The following GRIK4 variants were observed in gnomAD, a reference collection of about 807,000 sequenced individuals.
GRIK4 encodes glutamate receptor ionotropic, kainate 4.
In GRIK4, 40 loss-of-function variants were observed where a neutral mutation model predicts 104.9. That is an observed-to-expected ratio of 0.38 (90% CI 0.30 to 0.50). GRIK4 has a LOEUF of 0.50. GRIK4 is among the 20% of genes least tolerant of loss of function. The pLI, the probability that GRIK4 is intolerant of heterozygous loss-of-function variation, is 0.93. For missense variants in GRIK4, 1,047 were observed against 1,308.1 expected, an observed-to-expected ratio of 0.80 and a Z score of 3.08; for synonymous variants, 485 against 524.9, an observed-to-expected ratio of 0.92 and a Z score of 1.04.
At chr11:120,686,643 T>C (rs2135299828) in intron 3 of GRIK4, among the ~76,000 whole-genome samples, 1 of 152,374 alleles carries the variant, frequency 6.6e-6, no homozygotes, top group Middle Eastern at 3.4e-3. Context: ...GAAGCAGTGA[T>C]GTGGAGAATC....
intron 3 of GRIK4, among the ~76,000 whole-genome samples, chr11:120,735,421 G>GAGA (rs1951204103): frequency 6.6e-6 from 1 of 152,156 alleles, no homozygotes; most frequent in African/African-American, 2.4e-5. Flanking sequence ...TTAGCCACCT[G>GAGA]GAGCTGGGGG....
At chr11:120,729,592 A>G (rs1296907803) in intron 3 of GRIK4, among the ~76,000 whole-genome samples, 1 of 152,084 alleles carries the variant, frequency 6.6e-6, no homozygotes, top group Non-Finnish European at 1.5e-5. Flanking sequence ...TCTTTTGCCC[A>G]TTTCTTAATT....
intron 1 of GRIK4, among the ~76,000 whole-genome samples, chr11:120,640,485 A>G (rs1226076199): frequency 6.6e-6 from 1 of 152,192 alleles, no homozygotes; most frequent in Non-Finnish European, 1.5e-5. Flanking sequence ...TTTTTAATTA[A>G]TTAATGCCCA....
At chr11:120,847,729 T>G (rs1015253654) in intron 8 of GRIK4, among the ~76,000 whole-genome samples, 15 of 152,252 alleles carry the variant, frequency 9.9e-5, no homozygotes, top group African/African-American at 3.6e-4. Context: ...CAACTTACTA[T>G]CCTATGTAAG....
chr11:120,723,771 T>G (rs893033027), intron 3 of GRIK4, among the ~76,000 whole-genome samples: 6 of 150,120 alleles, frequency 4.0e-5, no homozygotes, highest in Non-Finnish European at 7.4e-5. Flanking sequence ...AAACCAGTGG[T>G]TCTTGGTAAG....
chr11:120,664,877 C>T (rs759015305), intron 3 of GRIK4, among the ~76,000 whole-genome samples: 1 of 152,144 alleles, frequency 6.6e-6, no homozygotes, highest in Non-Finnish European at 1.5e-5. Flanking sequence ...TCAGCATGGG[C>T]ATATTAGACA....
At chr11:120,944,867 T>C (rs1943818932) in intron 14 of GRIK4, among the ~76,000 whole-genome samples, 3 of 152,140 alleles carry the variant, frequency 2.0e-5, no homozygotes, top group Admixed American at 1.3e-4. Flanking sequence ...CGTGCAAAAT[T>C]AAATGAGAAT....
At chr11:120,857,505 CACA>C (rs1954138692) in intron 8 of GRIK4, among the ~76,000 whole-genome samples, 1 of 280 alleles carries the variant, frequency 3.6e-3, no homozygotes, top group Non-Finnish European at 7.7e-3. Flanking sequence ...CACACATGCA[CACA>C]CACACACACA....
At chr11:120,933,025 G>A (rs34607201) in intron 13 of GRIK4, among the ~76,000 whole-genome samples, 43,646 of 152,196 alleles carry the variant, frequency 0.29, 7,219 homozygotes, top group Admixed American at 0.39. Flanking sequence ...AGGGACTGGG[G>A]AGAATGACTG....
intron 1 of GRIK4, among the ~76,000 whole-genome samples, chr11:120,609,073 T>C (rs1948999235): frequency 6.6e-6 from 1 of 152,162 alleles, no homozygotes; most frequent in African/African-American, 2.4e-5. Flanking sequence ...TAATTGCATG[T>C]CATATTTAGT....
intron 1 of GRIK4, among the ~76,000 whole-genome samples, chr11:120,651,810 C>A (rs1949622923): frequency 6.6e-6 from 1 of 152,240 alleles, no homozygotes; most frequent in South Asian, 2.1e-4. Context: ...CTCCCAGATG[C>A]ATTCTTCTGT....
chr11:120,737,834 G>T (rs1405232368), intron 3 of GRIK4, among the ~76,000 whole-genome samples: 32 of 152,108 alleles, frequency 2.1e-4, no homozygotes, highest in Non-Finnish European at 1.5e-5. Flanking sequence ...ATCTTAACCT[G>T]CATAGTTATT....
intron 13 of GRIK4, among the ~76,000 whole-genome samples, chr11:120,932,096 C>T (rs1943493703): frequency 6.6e-6 from 1 of 152,090 alleles, no homozygotes; most frequent in South Asian, 2.1e-4. Flanking sequence ...AAGCCCTGTT[C>T]CACCTTCTCA....
At chr11:120,835,140 C>T (rs1280554039) in intron 7 of GRIK4, among the ~76,000 whole-genome samples, 1 of 152,204 alleles carries the variant, frequency 6.6e-6, no homozygotes, top group Non-Finnish European at 1.5e-5. Flanking sequence ...CTGCCCCAGT[C>T]ACTGAGCATT....
chr11:120,822,365 G>T (rs1331394566), intron 6 of GRIK4, among the ~76,000 whole-genome samples: 1 of 152,122 alleles, frequency 6.6e-6, no homozygotes, highest in Non-Finnish European at 1.5e-5. Context: ...AGGCCCAGAA[G>T]GTAGCTTGGT....
chr11:120,741,277 T>TTC (rs1951328111), intron 3 of GRIK4, among the ~76,000 whole-genome samples: 1 of 130,046 alleles, frequency 7.7e-6, no homozygotes, highest in Admixed American at 7.5e-5. Context: ...TGTGCTTTCT[T>TTC]TTTTTTTTTT....
Position 120,524,638 on chromosome 11 carries a change from G to A in GRIK4, c.-159+12751G>A, listed in dbSNP as rs1316612662. Among the ~76,000 whole-genome samples, 2 of 152,258 alleles carry A rather than the reference G, an allele frequency of 1.3e-5. No homozygotes were observed. The highest frequency in any genetic ancestry group is 2.1e-4 in the South Asian group (1 of 4,824). ...GGTGACTGGTAAGAGCAAAGGTGGC[G>A]TTTGGGCTGACAGCGCTAACTTCTG... On this transcript the variant is annotated intron_variant, in intron 1 of 20. Transcript: ENST00000527524. This position sits in a 1 kb window ranked among gnomAD's most constrained non-coding sequence, Gnocchi z 4.5.
chr11:120,781,848 G>T lies in GRIK4; in HGVS notation c.83-20845G>T, dbSNP rs112191473. Among the ~76,000 whole-genome samples, 716 of 152,224 alleles carry T rather than the reference G, an allele frequency of 4.7e-3. 4 individuals carry two copies. The highest frequency in any genetic ancestry group is 6.0e-3 in the Non-Finnish European group (409 of 68,004). ...TGGAATAAGACAGATTCTCACCATG[G>T]CCCTTGAGGCCATGTGACAACCTGT... On this transcript the variant is annotated intron_variant, in intron 3 of 20. Transcript: ENST00000527524.
Position 120,959,854 on chromosome 11 carries a change from C to T in GRIK4, c.1875-1055C>T, listed in dbSNP as rs180689172. Among the ~76,000 whole-genome samples the T allele has an allele frequency of 4.6e-5, 7 of 152,298 alleles. No homozygotes were observed. In the East Asian group the frequency reaches 1.4e-3, roughly 29 times the overall value. On this transcript the variant is annotated intron_variant, in intron 16 of 20. Transcript: ENST00000527524. Reference sequence around the variant, plus strand: ...AAAGATGTTCTGTTGTTACAATTTACAGAACTGGTTTTAAAATACAAATTT... The same window carrying T: ...AAAGATGTTCTGTTGTTACAATTTATAGAACTGGTTTTAAAATACAAATTT...
Sources: gnomAD v4.1 joint callset for allele counts (sites outside exome capture counted in the v4.1 genomes callset) on GRCh38, gnomAD v4.1.1 for gene constraint, Gnocchi (gnomAD v3.1) non-coding constraint, MANE v1.5 for transcripts, NCBI Gene and HGNC (gene_info 2026-07-23, HGNC 2026-07-21) for gene names.